Variants in EYS observed in about 807,000 individuals in gnomAD.
The protein encoded by EYS is EGF-like photoreceptor maintenance factor.
Under a neutral mutation model 282.1 loss-of-function variants are expected in EYS, and 250 were observed. The ratio of observed to expected loss-of-function variants is 0.89; its 90% CI spans 0.80 to 0.98. EYS has a LOEUF of 0.98. Among genes scored for constraint, EYS ranks in the 50% least tolerant of loss-of-function variants. EYS has a pLI of 0.00. For missense variants in EYS, 4,016 were observed against 3,709.0 expected (o/e 1.08, Z -2.15); for synonymous variants, 1,355 against 1,282.9 (o/e 1.06, Z -1.20).
intron 36 of EYS, among the ~76,000 whole-genome samples, chr6:63,831,562 T>C (rs1771639057): frequency 6.6e-6 from 1 of 152,164 alleles, no homozygotes; most frequent in South Asian, 2.1e-4. Context: ...CCCAGATTCA[T>C]AAAGCAAGTC....
At chr6:65,510,540 C>G (rs1477402909) in intron 2 of EYS, among the ~76,000 whole-genome samples, 1 of 152,026 alleles carries the variant, frequency 6.6e-6, no homozygotes, top group Non-Finnish European at 1.5e-5. Context: ...TATTTTTTGA[C>G]TGAAGTAGAG....
At chr6:65,281,407 G>A (rs1768216978) in intron 12 of EYS, among the ~76,000 whole-genome samples, 1 of 151,850 alleles carries the variant, frequency 6.6e-6, no homozygotes, top group Admixed American at 6.6e-5. Flanking sequence ...TCTTATTGTG[G>A]GATAATTAGT....
chr6:64,903,650 T>C (rs1163744279), intron 16 of EYS, among the ~76,000 whole-genome samples: 2 of 152,206 alleles, frequency 1.3e-5, no homozygotes, highest in East Asian at 3.9e-4. Flanking sequence ...GTCTATATTA[T>C]GACATTTCAG....
intron 26 of EYS, among the ~76,000 whole-genome samples, chr6:64,489,538 A>G (rs1776674724): frequency 6.8e-6 from 1 of 147,358 alleles, no homozygotes; most frequent in Non-Finnish European, 1.5e-5. Context: ...CAATATAAAT[A>G]TTTTAATTAA....
intron 29 of EYS, among the ~76,000 whole-genome samples, chr6:64,325,982 T>C (rs759987627): frequency 6.6e-6 from 1 of 152,136 alleles, no homozygotes; most frequent in African/African-American, 2.4e-5. Flanking sequence ...GAAAACATAT[T>C]TGGGGGAATA....
In EYS at chr6:65,249,633, A is replaced by G. The variant is rs561195777; in HGVS notation, c.2023+46230T>C. Reference sequence around the variant, plus strand: ...TAGAAGTCTCTTGTCTGCGAACACAAAAATAATGTATAAAAATTGTTGGAA... The same window carrying G: ...TAGAAGTCTCTTGTCTGCGAACACAGAAATAATGTATAAAAATTGTTGGAA... On this transcript the variant is annotated intron_variant, in intron 12 of 42. Coordinates refer to ENST00000503581, the MANE Select transcript of EYS (RefSeq NM_001142800.2). 3.3e-5 allele frequency among the ~76,000 whole-genome samples: 5 copies of G among 152,174 alleles called. No homozygotes were observed. In the East Asian group the frequency reaches 9.7e-4, roughly 29 times the overall value.
chr6:65,471,036 C>G (rs1437603305), intron 5 of EYS, among the ~76,000 whole-genome samples: 2 of 151,890 alleles, frequency 1.3e-5, no homozygotes, highest in African/African-American at 2.4e-5. Flanking sequence ...ACTTGGGAGA[C>G]TGAGGCAGGA....
intron 12 of EYS, among the ~76,000 whole-genome samples, chr6:65,099,864 G>C (rs1197929812): frequency 6.6e-6 from 1 of 150,680 alleles, no homozygotes; most frequent in Admixed American, 6.6e-5. Flanking sequence ...CAAAAGACAA[G>C]AGATGATATA....
In EYS at chr6:64,364,945, A is replaced by T. The variant is rs1772139817; in HGVS notation, c.6078+23745T>A. Among the ~76,000 whole-genome samples the T allele has an allele frequency of 2.0e-5, 3 of 151,986 alleles. No individual in the cohort carries two copies. The South Asian group carries it at 6.2e-4, about 31-fold the overall frequency. On this transcript the variant is annotated intron_variant, in intron 29 of 42. Coordinates refer to ENST00000503581, the MANE Select transcript of EYS (RefSeq NM_001142800.2). ...TAATTAGTAAAAGATGACTATTTTT[A>T]ATGGAATTTTTATTGTTCTTATAAG...
chr6:65,105,186 C>T (rs1395651733), intron 12 of EYS, among the ~76,000 whole-genome samples: 2 of 151,618 alleles, frequency 1.3e-5, no homozygotes, highest in African/African-American at 4.8e-5. Flanking sequence ...TTATGAAAGA[C>T]AATAATTACT....
intron 31 of EYS, among the ~76,000 whole-genome samples, chr6:64,189,542 C>G (rs1765043728): frequency 6.6e-6 from 1 of 152,316 alleles, no homozygotes; most frequent in South Asian, 2.1e-4. Flanking sequence ...GTTATTTAAT[C>G]AAACACCAAC....
chr6:65,251,523 T>C (rs1487190880), intron 12 of EYS, among the ~76,000 whole-genome samples: 1 of 151,838 alleles, frequency 6.6e-6, no homozygotes, highest in African/African-American at 2.4e-5. Context: ...AGAGACACTG[T>C]TGTCAAGATA....
intron 12 of EYS, among the ~76,000 whole-genome samples, chr6:65,214,562 C>G (rs1419674134): frequency 3.9e-5 from 6 of 152,144 alleles, no homozygotes; most frequent in Admixed American, 3.9e-4. Flanking sequence ...GGTGAAGTTG[C>G]AAGTGCTGAG....
At chr6:63,782,036 A>T (rs1770242226) in intron 39 of EYS, among the ~76,000 whole-genome samples, 1 of 152,192 alleles carries the variant, frequency 6.6e-6, no homozygotes, top group African/African-American at 2.4e-5. Context: ...GGTTCTGTTT[A>T]TATGATGGAT....
chr6:65,694,135 CCCAGCTA>C (rs1487179407), intron 1 of EYS, among the ~76,000 whole-genome samples: 3 of 150,034 alleles, frequency 2.0e-5, no homozygotes, highest in Non-Finnish European at 4.4e-5. Context: ...TGTCTGTAAT[CCCAGCTA>C]CGCTACTCAG....
At chr6:64,975,346 A>T (rs1233820365) in intron 14 of EYS, among the ~76,000 whole-genome samples, 1 of 151,912 alleles carries the variant, frequency 6.6e-6, no homozygotes, top group Non-Finnish European at 1.5e-5. Context: ...TTCAAGACTC[A>T]GAGCAAAAAC....
At chr6:64,038,540 A>C (rs1770232936) in intron 33 of EYS, among the ~76,000 whole-genome samples, 1 of 152,074 alleles carries the variant, frequency 6.6e-6, no homozygotes, top group Non-Finnish European at 1.5e-5. Context: ...TTGACTATCA[A>C]AATCCAGTAC....
At chr6:63,915,010 A>G (rs755769323) in intron 35 of EYS, among the ~76,000 whole-genome samples, 8 of 152,322 alleles carry the variant, frequency 5.3e-5, no homozygotes, top group Non-Finnish European at 1.0e-4. Flanking sequence ...TTATTCAGAA[A>G]ATCTAGCTAA....
chr6:64,703,619 G>A (rs1263920874), intron 22 of EYS, among the ~76,000 whole-genome samples: 1 of 150,906 alleles, frequency 6.6e-6, no homozygotes, highest in African/African-American at 2.4e-5. Flanking sequence ...ACAATGTGGA[G>A]TAATCCAAGT....
Sources: gnomAD v4.1 joint callset for allele counts (sites outside exome capture counted in the v4.1 genomes callset) on GRCh38, gnomAD v4.1.1 for gene constraint, MANE v1.5 for transcripts, NCBI Gene and HGNC (gene_info 2026-07-23, HGNC 2026-07-21) for gene names.